Variants in NCOA5 observed in about 807,000 individuals in gnomAD.
NCOA5 encodes the protein NCoA-5.
In NCOA5, 12 loss-of-function variants were observed where a neutral mutation model predicts 59.0. The observed-to-expected ratio is 0.20, with a 90% CI of 0.13 to 0.33. The LOEUF (loss-of-function observed/expected upper bound fraction) is 0.33, where lower values mean the gene tolerates loss of function less well. Among genes scored for constraint, NCOA5 ranks in the 10% least tolerant of loss-of-function variants. The pLI is 1.00. For synonymous variants in NCOA5, 270 were observed against 275.5 expected (o/e 0.98, Z 0.20); for missense variants, 655 against 766.6 (o/e 0.85, Z 1.72).
At position 46,062,336 on chromosome 20, in the gene NCOA5, T is replaced by C. The variant is rs767404126; in HGVS notation, c.1704A>G (p.Pro568=). 5.0e-6 allele frequency: 8 copies of C among 1,613,980 alleles called. No homozygotes were observed. In the East Asian group the frequency reaches 1.3e-4, roughly 27 times the overall value. The stretch of plus-strand genomic sequence containing the variant: ...TCTGGTAAGATCCCATGGGGGCCTG[T>C]GGCTGCCCCATCTGTGCTGTGGTCT... The part of the protein sequence containing the change: ...VSQTTAQMGQ[P]QAPMGSYQRH... Residue 568 remains proline, a synonymous_variant, in exon 8 of 8, where the codon CCA becomes CCG. Transcript: ENST00000290231.
intron 5 of NCOA5, among the ~76,000 whole-genome samples, chr20:46,066,591 T>C (rs2084825600): frequency 6.6e-6 from 1 of 152,120 alleles, no homozygotes; most frequent in Non-Finnish European, 1.5e-5. Context: ...GGCTCAGGGA[T>C]GGGAAAGTGA....
intron 2 of NCOA5, among the ~76,000 whole-genome samples, chr20:46,076,227 G>C (rs1452934063): frequency 6.6e-6 from 1 of 152,114 alleles, no homozygotes; most frequent in East Asian, 1.9e-4. Flanking sequence ...CCTGTGGCTG[G>C]GGGCATACAA....
intron 1 of NCOA5, among the ~76,000 whole-genome samples, chr20:46,087,964 TAC>T (rs746021471): frequency 4.0e-5 from 6 of 151,696 alleles, no homozygotes; most frequent in African/African-American, 1.5e-4. Flanking sequence ...GAGAGATACA[TAC>T]ACACACACAC....
chr20:46,080,745 A>AT (rs894169509), intron 1 of NCOA5, among the ~76,000 whole-genome samples: 1 of 152,150 alleles, frequency 6.6e-6, no homozygotes, highest in African/African-American at 2.4e-5. Flanking sequence ...ATAGTGAAGT[A>AT]TATCTTAAAT....
chr20:46,075,757 A>G (rs530753441), intron 2 of NCOA5, among the ~76,000 whole-genome samples: 1 of 152,334 alleles, frequency 6.6e-6, no homozygotes, highest in East Asian at 1.9e-4. Context: ...GTCTTTGAAG[A>G]AGGACTAATG....
At chr20:46,071,346 T>A (rs2084880830) in intron 2 of NCOA5, among the ~76,000 whole-genome samples, 1 of 152,198 alleles carries the variant, frequency 6.6e-6, no homozygotes, top group Non-Finnish European at 1.5e-5. Context: ...GACAAAATCA[T>A]CTTTCCACTT....
At chr20:46,068,701 G>C in intron 3 of NCOA5, 63 bp from the exon 4 acceptor site, 2 of 1,524,504 alleles carry the variant, frequency 1.3e-6, no homozygotes, top group Non-Finnish European at 1.8e-6. Context: ...AAGTCACCTA[G>C]AGAATTCTCT....
intron 1 of NCOA5, among the ~76,000 whole-genome samples, chr20:46,080,427 C>T (rs576098331): frequency 2.0e-4 from 30 of 152,240 alleles, no homozygotes; most frequent in Non-Finnish European, 3.5e-4. Context: ...AGAGTTTGTT[C>T]CCCTTTTTCC....
At chr20:46,067,612 T>G (rs537301855) in intron 4 of NCOA5, among the ~76,000 whole-genome samples, 3 of 151,778 alleles carry the variant, frequency 2.0e-5, no homozygotes, top group Non-Finnish European at 4.4e-5. Flanking sequence ...AATTAAAAAT[T>G]TAAAAGTTCT....
rs76706015 is a variant in NCOA5 at position 46,069,871 on chromosome 20, G to A, written c.365+339C>T. Among the ~76,000 whole-genome samples the A allele has an allele frequency of 2.0e-5, 3 of 152,216 alleles. No homozygotes were observed. The East Asian group carries it at 5.8e-4, about 29-fold the overall frequency. On this transcript the variant is annotated intron_variant, in intron 3 of 7. Transcript: ENST00000290231. ...TCAATTGTTTTGAGTGTATACTCAGGAGCGGAACTGATAGATCATATGGTA... is the reference window on the plus strand; with the variant it reads ...TCAATTGTTTTGAGTGTATACTCAGAAGCGGAACTGATAGATCATATGGTA...
rs1261226157 is a variant in NCOA5 at position 46,068,782 on chromosome 20, C to T, written c.366-144G>A. ...AGCTCTGTGGCTGTGATAGAGTTAA[C>T]CTGTCTCACTGAGATGATGTACAGA... On this transcript the variant is annotated intron_variant, in intron 3 of 7. Coordinates refer to ENST00000290231, the MANE Select transcript of NCOA5 (RefSeq NM_020967.3). 9.8e-6 allele frequency: 7 copies of T among 714,656 alleles called. No homozygotes were observed. In the South Asian group the frequency reaches 1.3e-4, roughly 14 times the overall value. 44.3% of individuals were successfully genotyped at this position (714,656 alleles called of 1,614,324 possible).
In NCOA5 at chr20:46,062,111, T is replaced by C; in HGVS notation, c.*189A>G. On this transcript the variant is annotated 3_prime_UTR_variant, in exon 8 of 8. Transcript: ENST00000290231. ...AAACAAAAAAAGATACAGCCCCAAA[T>C]GCAGTATAAACTTTGTAAGGAATAA... The C allele has an allele frequency of 1.9e-6, 1 of 521,984 alleles. No individual in the cohort carries two copies. The highest frequency in any genetic ancestry group is 3.6e-5 in the South Asian group (1 of 28,006). 32.3% of individuals were successfully genotyped at this position (521,984 alleles called of 1,614,324 possible). A position where few individuals can be genotyped will look rare whatever the true frequency, so the allele number is the denominator to read the frequency against.
intron 1 of NCOA5, among the ~76,000 whole-genome samples, chr20:46,085,582 C>G (rs577292177): frequency 4.6e-4 from 70 of 151,886 alleles, no homozygotes; most frequent in African/African-American, 1.6e-3. Flanking sequence ...GGGAGTTTAC[C>G]AGAAAGAGAA....
intron 2 of NCOA5, among the ~76,000 whole-genome samples, chr20:46,079,167 A>G (rs2084967634): frequency 6.6e-6 from 1 of 152,094 alleles, no homozygotes; most frequent in Non-Finnish European, 1.5e-5. Flanking sequence ...TGCAAGCTGA[A>G]CTTGCTGGAT....
intron 1 of NCOA5, among the ~76,000 whole-genome samples, chr20:46,080,955 G>A (rs1297710122): frequency 6.6e-6 from 1 of 152,044 alleles, no homozygotes; most frequent in Non-Finnish European, 1.5e-5. Flanking sequence ...GGCCTTATAG[G>A]GAATATCTAG....
At chr20:46,069,809 C>T (rs1249135602) in intron 3 of NCOA5, among the ~76,000 whole-genome samples, 2 of 151,920 alleles carry the variant, frequency 1.3e-5, no homozygotes, top group East Asian at 1.9e-4. Context: ...GTGAATAGTA[C>T]TGCTATGCAT....
chr20:46,076,061 C>T (rs1056695593), intron 2 of NCOA5, among the ~76,000 whole-genome samples: 6 of 152,192 alleles, frequency 3.9e-5, no homozygotes, highest in Non-Finnish European at 7.3e-5. Flanking sequence ...AAGATACCTA[C>T]GTTAAGTCCA....
rs972111648 is a variant in NCOA5 at position 46,078,575 on chromosome 20, A to T, written c.38+812T>A. 7.2e-5 allele frequency among the ~76,000 whole-genome samples: 11 copies of T among 152,338 alleles called. No individual in the cohort carries two copies. The South Asian group carries it at 1.0e-3, about 14-fold the overall frequency. Reference sequence around the variant, plus strand: ...GGCCTTGAAGAGACACCAGATATGAAATATATCATTCGTATGAAATATATC... The same window carrying T: ...GGCCTTGAAGAGACACCAGATATGATATATATCATTCGTATGAAATATATC... On this transcript the variant is annotated intron_variant, in intron 2 of 7. Coordinates refer to ENST00000290231, the MANE Select transcript of NCOA5 (RefSeq NM_020967.3).
intron 1 of NCOA5, among the ~76,000 whole-genome samples, chr20:46,083,397 C>T (rs1441551812): frequency 6.6e-6 from 1 of 152,208 alleles, no homozygotes; most frequent in Non-Finnish European, 1.5e-5. Context: ...TCTCTGCTTT[C>T]CTCAGCTCCC....
Sources: gnomAD v4.1 joint callset for allele counts (sites outside exome capture counted in the v4.1 genomes callset) on GRCh38, gnomAD v4.1.1 for gene constraint, MANE v1.5 for transcripts, NCBI Gene and HGNC (gene_info 2026-07-23, HGNC 2026-07-21) for gene names.